The following PRKCA variants were observed in gnomAD, a reference collection of about 807,000 sequenced individuals.
PRKCA encodes the protein protein kinase C alpha type.
In PRKCA, 27 loss-of-function variants were observed where a neutral mutation model predicts 87.0. The ratio of observed to expected loss-of-function variants is 0.31; its 90% CI spans 0.23 to 0.43. The LOEUF is 0.43. Among genes scored for constraint, PRKCA ranks in the 20% least tolerant of loss-of-function variants. The pLI is 1.00. For synonymous variants in PRKCA, 329 were observed against 311.1 expected, an observed-to-expected ratio of 1.06 and a Z score of -0.61; for missense variants, 518 against 852.3, an observed-to-expected ratio of 0.61 and a Z score of 4.88.
At position 66,803,989 on chromosome 17, in the gene PRKCA, G is replaced by T. The variant is rs370194549; in HGVS notation, c.1971G>T (p.Ser657=). 1.2e-6 allele frequency: 2 copies of T among 1,613,784 alleles called. No homozygotes were observed. The highest frequency in any genetic ancestry group is 1.7e-6 in the Non-Finnish European group (2 of 1,179,946). Reference sequence around the variant, plus strand: ...ACCAGTCTGATTTTGAAGGGTTCTCGTATGTCAACCCCCAGTTTGTGCACC... The same window carrying T: ...ACCAGTCTGATTTTGAAGGGTTCTCTTATGTCAACCCCCAGTTTGTGCACC... ...NIDQSDFEGF[S]YVNPQFVHPI... Residue 657 remains serine (S), a synonymous_variant, in exon 17 of 17, where the codon TCG becomes TCT. Transcript: ENST00000413366. The surrounding 1 kb of genome is among the most constrained non-coding windows in gnomAD (Gnocchi z 4.4).
chr17:66,741,478 G>A (rs1974157682), intron 11 of PRKCA, among the ~76,000 whole-genome samples, 181 bp from the exon 12 acceptor site: 3 of 152,290 alleles, frequency 2.0e-5, no homozygotes, highest in East Asian at 1.9e-4. Flanking sequence ...TCTCATTCAC[G>A]GATAAGCTGG....
intron 3 of PRKCA, among the ~76,000 whole-genome samples, chr17:66,537,330 C>T (rs952076490): frequency 6.6e-6 from 1 of 152,126 alleles, no homozygotes. Context: ...TGAGAAAGTA[C>T]AAAATTTTGA....
At chr17:66,605,076 G>T (rs1670936800) in intron 3 of PRKCA, among the ~76,000 whole-genome samples, 1 of 152,116 alleles carries the variant, frequency 6.6e-6, no homozygotes, top group African/African-American at 2.4e-5. Context: ...CGTCATGGTG[G>T]AATTTTCATG....
At chr17:66,451,621 CA>C in intron 2 of PRKCA, among the ~76,000 whole-genome samples, 1 of 152,060 alleles carries the variant, frequency 6.6e-6, no homozygotes, top group Non-Finnish European at 1.5e-5. Context: ...GTACTTTGAT[CA>C]TATTTGTATT....
rs560536921 is a variant in PRKCA at position 66,393,721 on chromosome 17, G to T, written c.205+87594G>T. On this transcript the variant is annotated intron_variant, in intron 2 of 16. Coordinates refer to ENST00000413366, the MANE Select transcript of PRKCA (RefSeq NM_002737.3). ...CACCCCAGGAACCCTCTGGACAGGG[G>T]TGTCTAGCCCAGGCCTGAGTGCAGC... Among the ~76,000 whole-genome samples, 16 of 152,198 alleles carry T rather than the reference G, an allele frequency of 1.1e-4. No individual in the cohort carries two copies. The South Asian group carries it at 3.3e-3, about 32-fold the overall frequency.
intron 8 of PRKCA, among the ~76,000 whole-genome samples, chr17:66,710,273 G>A (rs1325699828): frequency 6.6e-6 from 1 of 152,062 alleles, no homozygotes; most frequent in Admixed American, 6.5e-5. Context: ...CCCTGGTGCT[G>A]TGTCTCGGGG....
At chr17:66,415,378 C>T (rs528916238) in intron 2 of PRKCA, 3 of 152,034 alleles carry the variant, frequency 2.0e-5, no homozygotes, top group Non-Finnish European at 4.4e-5. Flanking sequence ...AGTGAATGTC[C>T]TTTGTAATTT....
chr17:66,713,166 C>T (rs1044535998), intron 8 of PRKCA, among the ~76,000 whole-genome samples: 4 of 150,558 alleles, frequency 2.7e-5, no homozygotes, highest in African/African-American at 9.8e-5. Context: ...ATTCTCCTGC[C>T]TCAGTCTACC....
intron 2 of PRKCA, among the ~76,000 whole-genome samples, chr17:66,455,053 G>A (rs912881667): frequency 5.3e-5 from 8 of 152,176 alleles, no homozygotes; most frequent in African/African-American, 1.4e-4. Context: ...GGGATGGAGG[G>A]AACTGTGGTC....
Position 66,340,366 on chromosome 17 carries a change from C to CT in PRKCA, c.205+34252dup, listed in dbSNP as rs60167119. 2.0e-3 allele frequency among the ~76,000 whole-genome samples: 251 copies of CT among 124,156 alleles called. 3 individuals are homozygous for CT. Among genetic ancestry groups the CT allele is most frequent in the African/African-American group, 7.4e-3 (223 of 30,042 alleles). 81.5% of individuals were successfully genotyped at this position (124,156 alleles called of 152,430 possible). ...TTTGAACTGGCAGGGTGTTTGGTTT[C>CT]TTTTTTTTTTTTTCTTTTTTTTTTT... is the stretch of plus-strand genomic sequence containing the variant. On this transcript the variant is annotated intron_variant, in intron 2 of 16. Coordinates refer to ENST00000413366, the MANE Select transcript of PRKCA (RefSeq NM_002737.3).
At chr17:66,366,687 T>C (rs1277125421) in intron 2 of PRKCA, among the ~76,000 whole-genome samples, 3 of 152,194 alleles carry the variant, frequency 2.0e-5, no homozygotes, top group Admixed American at 2.0e-4. Flanking sequence ...GAGCGAGCTA[T>C]AGGTGAACTG....
intron 2 of PRKCA, among the ~76,000 whole-genome samples, chr17:66,398,609 C>A (rs1910822407): frequency 6.6e-6 from 1 of 151,996 alleles, no homozygotes; most frequent in Admixed American, 6.6e-5. Context: ...TTTAATCAGA[C>A]AATTTGGAAG....
At chr17:66,739,532 A>G (rs1271665266) in intron 11 of PRKCA, among the ~76,000 whole-genome samples, 2 of 152,090 alleles carry the variant, frequency 1.3e-5, no homozygotes, top group Non-Finnish European at 2.9e-5. Context: ...TGGAGAAGTC[A>G]CCTAACAATT....
intron 8 of PRKCA, among the ~76,000 whole-genome samples, chr17:66,692,341 A>T (rs1268722724): frequency 6.6e-6 from 1 of 152,254 alleles, no homozygotes; most frequent in African/African-American, 2.4e-5. Flanking sequence ...GCAGAAAGCC[A>T]CTAGAGGATG....
intron 3 of PRKCA, among the ~76,000 whole-genome samples, chr17:66,511,915 G>A (rs8069465): frequency 0.35 from 53,493 of 151,574 alleles, 9,565 homozygotes; most frequent in South Asian, 0.52. Context: ...TCCTGATCTC[G>A]GGTGTTCTAC....
chr17:66,455,400 A>C (rs1037686560), intron 2 of PRKCA, among the ~76,000 whole-genome samples: 13 of 152,142 alleles, frequency 8.5e-5, no homozygotes, highest in Non-Finnish European at 1.3e-4. Context: ...ATTTATGTTG[A>C]TGCTGTGAGA....
intron 4 of PRKCA, among the ~76,000 whole-genome samples, chr17:66,644,851 G>T (rs1971410045): frequency 6.6e-6 from 1 of 152,082 alleles, no homozygotes; most frequent in Non-Finnish European, 1.5e-5. Flanking sequence ...CAAGCTGGGT[G>T]CAGTGGTTCA....
chr17:66,762,288 T>C lies in PRKCA; in HGVS notation c.1525-11699T>C, dbSNP rs1405390341. The stretch of plus-strand genomic sequence containing the variant: ...CTTATTTCTGGTAGGCCAGTTCTTA[T>C]TTCTAATGTTAGGCAGTATGGAGTT... On this transcript the variant is annotated intron_variant, in intron 13 of 16. Transcript: ENST00000413366. 2.0e-5 allele frequency among the ~76,000 whole-genome samples: 3 copies of C among 152,358 alleles called. No homozygotes were observed. In the East Asian group the frequency reaches 5.8e-4, roughly 29 times the overall value.
intron 2 of PRKCA, among the ~76,000 whole-genome samples, chr17:66,472,441 C>T (rs1488450319): frequency 6.6e-6 from 1 of 152,188 alleles, no homozygotes; most frequent in African/African-American, 2.4e-5. Context: ...GAAATTGTCT[C>T]AGTCATTACT....
Sources: gnomAD v4.1 joint callset for allele counts (sites outside exome capture counted in the v4.1 genomes callset) on GRCh38, gnomAD v4.1.1 for gene constraint, Gnocchi (gnomAD v3.1) non-coding constraint, MANE v1.5 for transcripts, NCBI Gene and HGNC (gene_info 2026-07-23, HGNC 2026-07-21) for gene names.